LAMA3: variants seen among roughly 807,000 people sequenced by gnomAD.
LAMA3 encodes the protein laminin subunit alpha 3.
Under a neutral mutation model 402.0 loss-of-function variants are expected in LAMA3, and 281 were observed. That is an observed-to-expected ratio of 0.70 (90% CI 0.63 to 0.77). The LOEUF (loss-of-function observed/expected upper bound fraction) is 0.77, where lower values mean the gene tolerates loss of function less well. Ranked by LOEUF, LAMA3 falls within the 30% of genes least tolerant of loss-of-function variation. LAMA3 has a pLI of 0.00. For missense variants in LAMA3, 3,840 were observed against 4,215.5 expected, an observed-to-expected ratio of 0.91 and a Z score of 2.47; for synonymous variants, 1,431 against 1,558.4, an observed-to-expected ratio of 0.92 and a Z score of 1.93.
chr18:23,816,515 G>A, intron 18 of LAMA3, 28 bp downstream of exon 18: 1 of 1,565,386 alleles, frequency 6.4e-7, no homozygotes, highest in Non-Finnish European at 8.8e-7. Flanking sequence ...TTCTTCCCAT[G>A]TTCAGGGTGT....
In LAMA3 at chr18:23,912,921, T is replaced by C. The variant is rs1275377835; in HGVS notation, c.7329+40T>C. The C allele has an allele frequency of 5.7e-6, 9 of 1,581,988 alleles. No homozygotes were observed. The Admixed American group carries it at 1.3e-4, about 23-fold the overall frequency. Reference sequence around the variant, plus strand: ...GACATCTCTCTTGTTTTTGAAACAATGTTTTTCGAGAGGTGTGCTTTTGAG... The same window carrying C: ...GACATCTCTCTTGTTTTTGAAACAACGTTTTTCGAGAGGTGTGCTTTTGAG... On this transcript the variant is annotated intron_variant, in intron 56 of 74. Transcript: ENST00000313654.
chr18:23,769,778 C>T (rs558465001), intron 8 of LAMA3, among the ~76,000 whole-genome samples: 1 of 152,156 alleles, frequency 6.6e-6, no homozygotes, highest in Non-Finnish European at 1.5e-5. Context: ...AAAAAATACT[C>T]TAAATGTTAA....
At chr18:23,880,991 A>G (rs1436247961) in intron 39 of LAMA3, among the ~76,000 whole-genome samples, 4 of 152,012 alleles carry the variant, frequency 2.6e-5, no homozygotes, top group East Asian at 1.9e-4. Context: ...GTTTAAAATT[A>G]TACTTATTCC....
rs1035330608 is a variant in LAMA3, at chr18:23,812,981, G to T, written c.1742-76G>T. 6 of 1,025,034 alleles carry T rather than the reference G, an allele frequency of 5.9e-6. No individual in the cohort carries two copies. In the Admixed American group the frequency reaches 8.7e-5, roughly 15 times the overall value. 63.5% of individuals were successfully genotyped at this position (1,025,034 alleles called of 1,614,324 possible). A position where few individuals can be genotyped will look rare whatever the true frequency, so the allele number is the denominator to read the frequency against. The stretch of plus-strand genomic sequence containing the variant: ...GATACACTATTTTTGAAAACAAAAC[G>T]TTTAAAACTTGAAACATCAAAACAA... On this transcript the variant is annotated intron_variant, in intron 13 of 74. Transcript: ENST00000313654.
At chr18:23,726,092 C>T (rs17259382) in intron 2 of LAMA3, among the ~76,000 whole-genome samples, 7,298 of 152,320 alleles carry the variant, frequency 0.048, 431 homozygotes, top group Admixed American at 0.17. Context: ...CCTTGAGCCA[C>T]CTCCTACACC....
At position 23,748,045 on chromosome 18, in the gene LAMA3, T is replaced by C; in HGVS notation, c.550T>C (p.Trp184Arg). Residue 184 changes from tryptophan to arginine, a missense_variant, in exon 3 of 75, where the codon TGG becomes CGG. Coordinates refer to ENST00000313654, the MANE Select transcript of LAMA3 (RefSeq NM_198129.4). The stretch of plus-strand genomic sequence containing the variant: ...AGACTTTGGAAGCACCTACTCACCA[T>C]GGCAATATTTTGCTCGTAAGTAATC... ...SVDFGSTYSP[W>R]QYFAHSKVDC... The C allele has an allele frequency of 3.1e-6, 5 of 1,599,518 alleles. No individual in the cohort carries two copies. Among genetic ancestry groups the C allele is most frequent in the Non-Finnish European group, 4.3e-6 (5 of 1,166,634 alleles).
At chr18:23,944,689 G>C (rs955064211) in intron 69 of LAMA3, among the ~76,000 whole-genome samples, 2 of 152,198 alleles carry the variant, frequency 1.3e-5, no homozygotes, top group African/African-American at 4.8e-5. Flanking sequence ...AAATAACAAG[G>C]ACCTGGAGGT....
At chr18:23,699,870 G>T (rs1471143811) in intron 1 of LAMA3, among the ~76,000 whole-genome samples, 1 of 152,114 alleles carries the variant, frequency 6.6e-6, no homozygotes, top group African/African-American at 2.4e-5. Context: ...ACAGTTAGGG[G>T]AATAGATTGA....
rs1298350271 is a variant in LAMA3, at chr18:23,916,581, T to C, written c.7809T>C (p.Phe2603=). 4 of 1,614,178 alleles carry C rather than the reference T, an allele frequency of 2.5e-6. No individual in the cohort carries two copies. In the South Asian group the frequency reaches 4.4e-5, roughly 18 times the overall value. ...AGGAAGAGTCAGACAAAAATTATTT[T>C]GAAGGTACGGGCTATGCTCGAGTTC... ...RRKEESDKNY[F]EGTGYARVPT... The change falls in exon 60 of 75, where the codon TTT becomes TTC. Residue 2603 remains phenylalanine, a synonymous_variant. Coordinates refer to ENST00000313654, the MANE Select transcript of LAMA3 (RefSeq NM_198129.4).
intron 2 of LAMA3, among the ~76,000 whole-genome samples, chr18:23,730,376 T>A (rs201040619): frequency 0.063 from 9,347 of 149,058 alleles, 617 homozygotes; most frequent in Admixed American, 0.18. Flanking sequence ...TTCTTTTTTT[T>A]TTTTTTTTTT....
chr18:23,777,412 G>A (rs1386249205), intron 10 of LAMA3, 145 bp from the exon 11 acceptor site: 14 of 655,700 alleles, frequency 2.1e-5, no homozygotes, highest in Non-Finnish European at 3.6e-5. Flanking sequence ...TTGAGATATA[G>A]CAATATCGCC....
At chr18:23,728,540 C>T (rs2061336591) in intron 2 of LAMA3, among the ~76,000 whole-genome samples, 1 of 152,108 alleles carries the variant, frequency 6.6e-6, no homozygotes, top group South Asian at 2.1e-4. Context: ...GAGATGCTTC[C>T]CCATTACCAG....
At chr18:23,858,058 A>G (rs984617365) in intron 33 of LAMA3, 70 bp downstream of exon 33, 39 of 1,576,930 alleles carry the variant, frequency 2.5e-5, no homozygotes, top group Middle Eastern at 1.7e-4. Context: ...TTGAGTCAAC[A>G]TAGAAAAGTA....
chr18:23,718,556 G>A (rs1285400805), intron 2 of LAMA3, among the ~76,000 whole-genome samples: 2 of 152,244 alleles, frequency 1.3e-5, no homozygotes, highest in Admixed American at 6.5e-5. Context: ...AAAGGACTGA[G>A]TGTTGGCTTC....
At chr18:23,726,026 A>T (rs2061294385) in intron 2 of LAMA3, among the ~76,000 whole-genome samples, 1 of 152,214 alleles carries the variant, frequency 6.6e-6, no homozygotes, top group South Asian at 2.1e-4. Flanking sequence ...AGCATGGAAC[A>T]TTCAGTTCTT....
Position 23,861,824 on chromosome 18 carries a change from G to C in LAMA3, c.4584+17G>C. 3 of 1,606,552 alleles carry C rather than the reference G, an allele frequency of 1.9e-6. No individual in the cohort carries two copies. The highest frequency in any genetic ancestry group is 2.6e-6 in the Non-Finnish European group (3 of 1,175,980). On this transcript the variant is annotated intron_variant, in intron 35 of 74. Transcript: ENST00000313654. ...GGGGACAAGGTAATGATGTCCTGCT[G>C]TTCTTCTGGGCCCTCAGTGGGCCTC...
intron 42 of LAMA3, among the ~76,000 whole-genome samples, chr18:23,890,380 A>C (rs1039200233): frequency 6.6e-6 from 1 of 152,124 alleles, no homozygotes; most frequent in Non-Finnish European, 1.5e-5. Flanking sequence ...ATTGTTTTTG[A>C]AACTTACCTA....
intron 7 of LAMA3, among the ~76,000 whole-genome samples, chr18:23,760,634 T>G (rs1376155922): frequency 2.0e-5 from 3 of 152,198 alleles, no homozygotes; most frequent in Non-Finnish European, 4.4e-5. Flanking sequence ...ACTTTGTAAT[T>G]TTAGAAGTGT....
chr18:23,757,535 C>T (rs1488058008), intron 6 of LAMA3, among the ~76,000 whole-genome samples: 2 of 147,710 alleles, frequency 1.4e-5, no homozygotes, highest in African/African-American at 4.9e-5. Context: ...CCAGCAGTTG[C>T]CAAAAAGATA....
Sources: allele counts gnomAD v4.1 joint callset (sites outside exome capture counted in the v4.1 genomes callset), GRCh38; gene constraint gnomAD v4.1.1; transcripts MANE v1.5; gene names NCBI Gene and HGNC (gene_info 2026-07-23, HGNC 2026-07-21).